SELP: variants seen among roughly 807,000 people sequenced by gnomAD.
SELP encodes the protein P-selectin.
SELP carries 92 observed loss-of-function variants against 104.1 expected under a neutral mutation model. The ratio of observed to expected loss-of-function variants is 0.88; its 90% confidence interval spans 0.75 to 1.05. The LOEUF (loss-of-function observed/expected upper bound fraction) is 1.05. SELP is among the 50% of genes least tolerant of loss of function. The pLI is 0.00. For missense variants in SELP, 1,022 were observed against 1,017.3 expected, an observed-to-expected ratio of 1.00 and a Z score of -0.06; for synonymous variants, 397 against 364.5, an observed-to-expected ratio of 1.09 and a Z score of -1.01.
rs1662950564 is a variant in SELP, at chr1:169,618,834, C to T, written c.94+295G>A. On this transcript the variant is annotated intron_variant, in intron 2 of 16. Coordinates refer to ENST00000263686, the MANE Select transcript of SELP (RefSeq NM_003005.4). ...TATATTAAAACATTTTCTTTGACTT[C>T]AAAGAAAATAATTATAAAAGAAATT... Among the ~76,000 whole-genome samples the T allele has an allele frequency of 2.0e-5, 3 of 152,272 alleles. No individual in the cohort carries two copies. The South Asian group carries it at 6.2e-4, about 32-fold the overall frequency.
intron 10 of SELP, among the ~76,000 whole-genome samples, chr1:169,598,229 G>T (rs1432833351): frequency 2.0e-5 from 3 of 152,174 alleles, no homozygotes; most frequent in African/African-American, 7.2e-5. Context: ...TCTAATATAA[G>T]ACTATTATTT....
At chr1:169,596,909 A>T in intron 11 of SELP, 82 bp downstream of exon 11, 31 of 1,236,400 alleles carry the variant, frequency 2.5e-5, no homozygotes, top group African/African-American at 6.2e-5. Flanking sequence ...TATCTAGTTC[A>T]CATATAAGAA....
intron 10 of SELP, among the ~76,000 whole-genome samples, chr1:169,601,461 A>G (rs1212790622): frequency 6.6e-6 from 1 of 152,242 alleles, no homozygotes; most frequent in Non-Finnish European, 1.5e-5. Context: ...TCTAGTGCTC[A>G]TTCCACAGGA....
chr1:169,614,561 T>C (rs1298817385), intron 3 of SELP, among the ~76,000 whole-genome samples: 6 of 152,236 alleles, frequency 3.9e-5, no homozygotes, highest in Non-Finnish European at 1.5e-5. Flanking sequence ...GTAAGTTCTA[T>C]GGCTGAACTG....
chr1:169,602,881 G>A (rs1350401628), intron 10 of SELP, 145 bp downstream of exon 10: 1 of 544,370 alleles, frequency 1.8e-6, no homozygotes, highest in Non-Finnish European at 3.1e-6. Context: ...TTTAAAGAGA[G>A]GGAGAACTTT....
rs777721109 is a variant in SELP, at chr1:169,619,109, A to G, written c.94+20T>C. ...ACCCTAATTACTTAGGCCTAAGTGA[A>G]AAGTTAGCATAAAGTTTACCAGAGA... On this transcript the variant is annotated intron_variant, in intron 2 of 16. Coordinates refer to ENST00000263686, the MANE Select transcript of SELP (RefSeq NM_003005.4). 1 of 1,593,432 alleles carries G rather than the reference A, an allele frequency of 6.3e-7. No homozygotes were observed. Among genetic ancestry groups the G allele is most frequent in the East Asian group, 2.2e-5 (1 of 44,754 alleles).
At chr1:169,598,247 A>G (rs750553858) in intron 10 of SELP, among the ~76,000 whole-genome samples, 3 of 152,210 alleles carry the variant, frequency 2.0e-5, no homozygotes, top group Non-Finnish European at 4.4e-5. Flanking sequence ...TTTATCAATA[A>G]ATGTTGGGTT....
intron 3 of SELP, among the ~76,000 whole-genome samples, chr1:169,615,425 T>C (rs1271111349): frequency 6.6e-6 from 1 of 152,222 alleles, no homozygotes; most frequent in Non-Finnish European, 1.5e-5. Flanking sequence ...TCATCATTTA[T>C]GCCAGTAATT....
chr1:169,609,378 A>T (rs1364598115), intron 8 of SELP, 126 bp downstream of exon 8: 1 of 917,530 alleles, frequency 1.1e-6, no homozygotes, highest in Non-Finnish European at 1.6e-6. Flanking sequence ...CCAAGCACAA[A>T]GGACATGGCC....
intron 2 of SELP, among the ~76,000 whole-genome samples, chr1:169,618,269 C>G (rs1295298121): frequency 6.6e-6 from 1 of 152,184 alleles, no homozygotes; most frequent in Non-Finnish European, 1.5e-5. Flanking sequence ...ATATCCTGAT[C>G]TGCAATCTTA....
intron 7 of SELP, among the ~76,000 whole-genome samples, chr1:169,610,353 A>G (rs560234635): frequency 1.3e-5 from 2 of 152,254 alleles, no homozygotes; most frequent in East Asian, 1.9e-4. Context: ...GCCCTGAGTG[A>G]CCTCAGTTCT....
At chr1:169,590,230 A>T in intron 15 of SELP, 28 bp from the exon 16 acceptor site, 1 of 1,555,956 alleles carries the variant, frequency 6.4e-7, no homozygotes, top group South Asian at 1.1e-5. Flanking sequence ...AAGGATGGCA[A>T]CAATATACTG....
At position 169,595,987 on chromosome 1, in the gene SELP, C is replaced by T. The variant is rs746635814; in HGVS notation, c.2039G>A (p.Gly680Glu). 15 of 1,613,748 alleles carry T rather than the reference C, an allele frequency of 9.3e-6. No homozygotes were observed. Among genetic ancestry groups the T allele is most frequent in the Middle Eastern group, 3.3e-4 (2 of 6,084 alleles). Residue 680 changes from glycine (G) to glutamate (E), a missense_variant, in exon 12 of 17, where the codon GGA (glycine) becomes GAA (glutamate). Physicochemically the swap from Gly to Glu is moderately conservative, Grantham distance 98. Transcript: ENST00000263686. The part of the protein sequence containing the change: ...FGCNAGFTLI[G>E]DSTLSCRPSG... Reference sequence around the variant, plus strand: ...AGGTCTGCAGCTGAGAGTGCTGTCTCCTATGAGTGTGAATCCAGCGTTGCA... The same window carrying T: ...AGGTCTGCAGCTGAGAGTGCTGTCTTCTATGAGTGTGAATCCAGCGTTGCA...
intron 12 of SELP, 72 bp downstream of exon 12, chr1:169,595,853 T>C (rs957062972): frequency 1.6e-5 from 23 of 1,399,066 alleles, no homozygotes; most frequent in Admixed American, 8.5e-5. Context: ...GACTTCAACA[T>C]ACAGGCACAA....
rs894155646 is a variant in SELP at position 169,597,073 on chromosome 1, G to A, written c.1809C>T (p.Asp603=). ...NVGSTCHFSC[D]NGFKLEGPNN... ...TGGGCCCCTCCAGCTTAAAGCCGTT[G>A]TCACAAGAGAAATGGCAGGTGGAGC... Residue 603 remains aspartate (D), a synonymous_variant, in exon 11 of 17, where the codon GAC becomes GAT. Coordinates refer to ENST00000263686, the MANE Select transcript of SELP (RefSeq NM_003005.4). 1 of 1,613,258 alleles carries A rather than the reference G, an allele frequency of 6.2e-7. No homozygotes were observed. Among genetic ancestry groups the A allele is most frequent in the African/African-American group, 1.3e-5 (1 of 74,708 alleles).
chr1:169,594,999 A>T, intron 12 of SELP, 122 bp from the exon 13 acceptor site: 1 of 775,210 alleles, frequency 1.3e-6, no homozygotes, highest in Non-Finnish European at 2.0e-6. Context: ...CAGAAAGGAT[A>T]TGAGCCACTT....
intron 1 of SELP, among the ~76,000 whole-genome samples, chr1:169,620,631 C>T (rs981275914): frequency 2.0e-5 from 3 of 152,132 alleles, no homozygotes; most frequent in Admixed American, 6.5e-5. Context: ...TGCCTCAGAC[C>T]ACAATTTGGT....
Position 169,594,719 on chromosome 1 carries a change from A to G in SELP, c.2260T>C (p.Trp754Arg). Residue 754 changes from tryptophan to arginine, a missense_variant, in exon 13 of 17, where the codon TGG (tryptophan) becomes CGG (arginine). Trp to Arg is a moderately radical substitution (Grantham distance 101). Transcript: ENST00000263686. Reference sequence around the variant, plus strand: ...TGGCAGGTTGGCACGGTAGTTGACCAGTGGCCATTCTCTTGGCATGCTGTT... The same window carrying G: ...TGGCAGGTTGGCACGGTAGTTGACCGGTGGCCATTCTCTTGGCATGCTGTT... Reference protein sequence around the residue: ...AQTACQENGHWSTTVPTCQAG... With the variant: ...AQTACQENGHRSTTVPTCQAG... The G allele has an allele frequency of 1.9e-6, 3 of 1,613,742 alleles. No individual in the cohort carries two copies. The South Asian group carries it at 3.3e-5, about 18-fold the overall frequency.
intron 9 of SELP, among the ~76,000 whole-genome samples, chr1:169,604,166 C>T (rs1172170766): frequency 6.6e-6 from 1 of 151,906 alleles, no homozygotes; most frequent in Non-Finnish European, 1.5e-5. Flanking sequence ...GATGGTATCT[C>T]ATTGTGGTTT....
Sources: allele counts gnomAD v4.1 joint callset (sites outside exome capture counted in the v4.1 genomes callset), GRCh38; gene constraint gnomAD v4.1.1; transcripts MANE v1.5; gene names NCBI Gene and HGNC (gene_info 2026-07-23, HGNC 2026-07-21).